The following KANSL1L variants were observed in gnomAD, a reference collection of about 807,000 sequenced individuals.
The protein encoded by KANSL1L is KAT8 regulatory NSL complex subunit 1 like, also known as KAT8 regulatory NSL complex subunit 1-like protein.
A neutral mutation model predicts 108.6 loss-of-function variants in KANSL1L; 25 were observed. The observed-to-expected ratio is 0.23, with a 90% CI of 0.17 to 0.32. The LOEUF (loss-of-function observed/expected upper bound fraction) is 0.32. Among genes scored for constraint, KANSL1L ranks in the 10% least tolerant of loss-of-function variants. The pLI, the probability that KANSL1L is intolerant of heterozygous loss-of-function variation, is 1.00. For synonymous variants in KANSL1L, 405 were observed against 395.1 expected, an observed-to-expected ratio of 1.03 and a Z score of -0.30; for missense variants, 1,137 against 1,125.7, an observed-to-expected ratio of 1.01 and a Z score of -0.14.
chr2:210,030,534 ACTGTGTGT>A (rs1320949377), intron 9 of KANSL1L, among the ~76,000 whole-genome samples: 2 of 128,664 alleles, frequency 1.6e-5, no homozygotes, highest in Admixed American at 7.9e-5. Flanking sequence ...GTTCCCAGTT[ACTGTGTGT>A]GTGTGTGTGT....
At chr2:210,114,350 C>T (rs1418590883) in intron 3 of KANSL1L, among the ~76,000 whole-genome samples, 1 of 152,014 alleles carries the variant, frequency 6.6e-6, no homozygotes, top group Non-Finnish European at 1.5e-5. Context: ...ACCCAAAATC[C>T]TATTCTATTC....
intron 3 of KANSL1L, among the ~76,000 whole-genome samples, chr2:210,122,354 G>C (rs953069463): frequency 2.0e-4 from 30 of 152,150 alleles, no homozygotes; most frequent in African/African-American, 7.0e-4. Flanking sequence ...CAACAAAACA[G>C]TACGGAGAAC....
intron 6 of KANSL1L, among the ~76,000 whole-genome samples, chr2:210,065,655 G>A (rs975899079): frequency 3.3e-5 from 5 of 149,492 alleles, no homozygotes; most frequent in East Asian, 2.0e-4. Flanking sequence ...GCATGATCTC[G>A]GCTCACGGCA....
intron 3 of KANSL1L, among the ~76,000 whole-genome samples, chr2:210,112,119 A>G (rs1575554083): frequency 6.6e-6 from 1 of 152,108 alleles, no homozygotes; most frequent in Non-Finnish European, 1.5e-5. Context: ...ACATTTTCTT[A>G]ATCCAGACTA....
intron 1 of KANSL1L, chr2:210,170,263 G>A: frequency 1.7e-6 from 1 of 601,316 alleles, no homozygotes; most frequent in South Asian, 7.3e-5. Context: ...AAAGACGAAG[G>A]AAGTTTGTCT....
intron 5 of KANSL1L, chr2:210,096,886 G>T: frequency 4.4e-6 from 2 of 458,008 alleles, no homozygotes; most frequent in Non-Finnish European, 5.7e-6. Flanking sequence ...AAGATTAGAT[G>T]TTCAAAATAA....
rs146304837 is a variant in KANSL1L at position 210,093,929 on chromosome 2, T to C, written c.1550+4157A>G. Among the ~76,000 whole-genome samples the C allele has an allele frequency of 6.1e-3, 936 of 152,294 alleles. 6 individuals carry two copies. Among genetic ancestry groups the C allele is most frequent in the Non-Finnish European group, 9.3e-3 (635 of 68,022 alleles). On this transcript the variant is annotated intron_variant, in intron 5 of 14. Transcript: ENST00000281772. ...ACACAGGCTATAATGTAGATAAATT[T>C]TGATATTATGCTAAGTACAATAAGT...
chr2:210,040,503 T>TA lies in KANSL1L; in HGVS notation c.1945_1946insT (p.Glu649ValfsTer8). On this transcript the variant is annotated frameshift_variant, in exon 8 of 15. Coordinates refer to ENST00000281772, the MANE Select transcript of KANSL1L (RefSeq NM_152519.4). LOFTEE classifies it high-confidence loss of function. ...TATTTCAGTCTTTTTTAACAGTGTT[T>TA]CAAAGTGAAAATGAAGAGGCACATC... is the stretch of plus-strand genomic sequence containing the variant. 6.4e-7 allele frequency: 1 copy of TA among 1,552,888 alleles called. No individual in the cohort carries two copies. The highest frequency in any genetic ancestry group is 8.8e-7 in the Non-Finnish European group (1 of 1,142,278).
chr2:210,079,647 T>C lies in KANSL1L; in HGVS notation c.1551-3891A>G, dbSNP rs2094570102. Among the ~76,000 whole-genome samples the C allele has an allele frequency of 1.3e-4, 2 of 15,414 alleles. 1 individual carries two copies. The highest frequency in any genetic ancestry group is 2.5e-4 in the Non-Finnish European group (2 of 7,882). The allele number at this position is 15,414 out of a possible 152,430, so 10.1% of individuals were successfully genotyped here. ...ATATATATATATATATATATATATA[T>C]ATATATATATATATATATGTATGTG... is the stretch of plus-strand genomic sequence containing the variant. On this transcript the variant is annotated intron_variant, in intron 5 of 14. Transcript: ENST00000281772.
intron 6 of KANSL1L, among the ~76,000 whole-genome samples, chr2:210,065,704 G>A (rs1358940879): frequency 6.7e-6 from 1 of 150,306 alleles, no homozygotes; most frequent in Non-Finnish European, 1.5e-5. Flanking sequence ...TCCTGCCTCA[G>A]CCTCCCAAGT....
intron 1 of KANSL1L, among the ~76,000 whole-genome samples, chr2:210,158,618 T>G (rs1299027441): frequency 6.6e-6 from 1 of 152,008 alleles, no homozygotes; most frequent in Non-Finnish European, 1.5e-5. Flanking sequence ...AGCTCTAGTC[T>G]ATGAAAGTCC....
intron 3 of KANSL1L, among the ~76,000 whole-genome samples, chr2:210,119,559 A>G (rs966605242): frequency 9.2e-5 from 14 of 152,206 alleles, no homozygotes; most frequent in African/African-American, 3.4e-4. Context: ...AATCTGATAG[A>G]TCATATCAAC....
At position 210,025,185 on chromosome 2, in the gene KANSL1L, A is replaced by C. The variant is rs1465557678; in HGVS notation, c.2483T>G (p.Leu828Arg). 6.2e-7 allele frequency: 1 copy of C among 1,609,440 alleles called. No homozygotes were observed. The highest frequency in any genetic ancestry group is 8.5e-7 in the Non-Finnish European group (1 of 1,175,750). ...TCTCTCTTCATATTTTTTGTGCCTT[A>C]GGGAGAAGACTTCATCAGAAAGATC... ...IEDLSDEVFS[L>R]RHKKYEEREQ... Residue 828 changes from leucine to arginine, a missense_variant, in exon 13 of 15, where the codon CTA becomes CGA. By Grantham distance (102) the Leu-to-Arg change is moderately radical (BLOSUM62 -2). This residue lies in a region of KANSL1L where 575 missense variants were observed against 567.1 expected (regional missense o/e 1.01). Transcript: ENST00000281772.
intron 5 of KANSL1L, 49 bp from the exon 6 acceptor site, chr2:210,075,805 C>A: frequency 7.5e-7 from 1 of 1,337,064 alleles, no homozygotes; most frequent in Admixed American, 2.1e-5. Flanking sequence ...TAAAACAAAA[C>A]AAAACAAACA....
At chr2:210,063,600 TAGAGTC>T (rs1559526604) in intron 6 of KANSL1L, among the ~76,000 whole-genome samples, 1 of 152,168 alleles carries the variant, frequency 6.6e-6, no homozygotes, top group East Asian at 1.9e-4. Flanking sequence ...GTGTGAGACA[TAGAGTC>T]AAAGAGATCA....
chr2:210,068,258 G>A (rs780575207), intron 6 of KANSL1L, among the ~76,000 whole-genome samples: 1 of 152,112 alleles, frequency 6.6e-6, no homozygotes, highest in South Asian at 2.1e-4. Context: ...GTATGTAACT[G>A]TATTTATGCC....
chr2:210,118,400 G>A (rs1325919243), intron 3 of KANSL1L, among the ~76,000 whole-genome samples: 3 of 144,558 alleles, frequency 2.1e-5, no homozygotes, highest in Non-Finnish European at 4.5e-5. Context: ...TCGGGAGGTG[G>A]AGGTCGCACT....
intron 1 of KANSL1L, among the ~76,000 whole-genome samples, chr2:210,163,310 A>C (rs1287230373): frequency 2.0e-5 from 3 of 152,218 alleles, no homozygotes; most frequent in Non-Finnish European, 4.4e-5. Flanking sequence ...AGAGATGGAA[A>C]TTCTAAAAAG....
intron 2 of KANSL1L, among the ~76,000 whole-genome samples, chr2:210,149,476 T>A (rs1460170847): frequency 6.6e-6 from 1 of 152,146 alleles, no homozygotes. Flanking sequence ...AAAAAATGCA[T>A]CTGTTTATTT....
Sources: gnomAD v4.1 joint callset for allele counts (sites outside exome capture counted in the v4.1 genomes callset) on GRCh38, gnomAD v4.1.1 for gene constraint, gnomAD v4.1.1 regional missense constraint, MANE v1.5 for transcripts, NCBI Gene and HGNC (gene_info 2026-07-23, HGNC 2026-07-21) for gene names.